FRMPD4: variants seen among roughly 807,000 people sequenced by gnomAD.
FRMPD4 encodes the protein FERM and PDZ domain containing 4.
A neutral mutation model predicts 94.1 loss-of-function variants in FRMPD4; 22 were observed. The observed-to-expected ratio is 0.23, with a 90% CI of 0.17 to 0.33. FRMPD4 has a LOEUF of 0.33. Among genes scored for constraint, FRMPD4 ranks in the 10% least tolerant of loss-of-function variants. The pLI, the probability that FRMPD4 is intolerant of heterozygous loss-of-function variation, is 1.00. For missense variants in FRMPD4, 1,111 were observed against 1,339.9 expected (o/e 0.83, Z 2.67); for synonymous variants, 631 against 548.6 (o/e 1.15, Z -2.10).
At chrX:12,366,984 G>T (rs2056092565) in intron 1 of FRMPD4, among the ~76,000 whole-genome samples, 1 of 111,309 alleles carries the variant, frequency 9.0e-6, no homozygotes, top group East Asian at 2.8e-4. Context: ...CCAGGGCAGG[G>T]AATATCATCA....
Position 12,720,639 on chromosome X carries a change from C to T in FRMPD4, c.4070C>T (p.Ser1357Leu). The T allele has an allele frequency of 8.5e-7, 1 of 1,173,077 alleles. No homozygotes were observed. The highest frequency in any genetic ancestry group is 2.4e-5 in the Admixed American group (1 of 42,490). Reference sequence around the variant, plus strand: ...CTACCATCAAACATTCACTCGGAATCAAAGGTGCCAATTCCAAATCAAGAC... The same window carrying T: ...CTACCATCAAACATTCACTCGGAATTAAAGGTGCCAATTCCAAATCAAGAC... ...ILLPSNIHSESKVPIPNQDPN... is the reference protein window; with the variant it reads ...ILLPSNIHSELKVPIPNQDPN... Residue 1357 changes from serine (S) to leucine (L), a missense_variant, in exon 17 of 17, where the codon TCA (serine) becomes TTA (leucine). Ser to Leu is a moderately radical substitution (Grantham distance 145). Around this residue, in one of 8 missense-constraint regions of FRMPD4, gnomAD observed 551 missense variants for 591.6 expected, o/e 0.93. Transcript: ENST00000675598.
At chrX:11,837,432 C>T (rs2053507256) in intron 1 of FRMPD4, among the ~76,000 whole-genome samples, 1 of 111,132 alleles carries the variant, frequency 9.0e-6, no homozygotes, top group Non-Finnish European at 1.9e-5. Context: ...TTTCTTCTAC[C>T]TTTGATCCAA....
intron 3 of FRMPD4, among the ~76,000 whole-genome samples, chrX:11,902,801 T>C (rs1376786133): frequency 1.8e-5 from 2 of 111,138 alleles, no homozygotes; most frequent in East Asian, 5.6e-4. Flanking sequence ...CAATATGAGG[T>C]AGAATTCTCA....
chrX:12,247,107 G>A (rs968383673), intron 1 of FRMPD4, among the ~76,000 whole-genome samples: 8 of 111,483 alleles, frequency 7.2e-5, no homozygotes, highest in African/African-American at 2.6e-4. Context: ...CTCAACATCA[G>A]TACTATTGAC....
At chrX:12,040,560 T>G (rs1415488395) in intron 3 of FRMPD4, among the ~76,000 whole-genome samples, 1 of 91,853 alleles carries the variant, frequency 1.1e-5, no homozygotes, top group African/African-American at 4.0e-5. Context: ...TGCCTTTTTT[T>G]TTTTTTTTTT....
chrX:12,563,199 TAACA>T (rs1214965612), intron 2 of FRMPD4, among the ~76,000 whole-genome samples: 1 of 108,384 alleles, frequency 9.2e-6, no homozygotes, highest in African/African-American at 3.4e-5. Context: ...AGTTTCAAGC[TAACA>T]AATTGACCTG....
At chrX:12,217,982 T>A (rs2056825841) in intron 1 of FRMPD4, among the ~76,000 whole-genome samples, 1 of 112,129 alleles carries the variant, frequency 8.9e-6, no homozygotes, top group African/African-American at 3.2e-5. Context: ...TTACACTGAA[T>A]TATGTAGCTA....
intron 3 of FRMPD4, among the ~76,000 whole-genome samples, chrX:11,881,297 G>A (rs1291371239): frequency 1.8e-5 from 2 of 111,727 alleles, no homozygotes; most frequent in Non-Finnish European, 3.8e-5. Flanking sequence ...ATCCCACCCC[G>A]GGTATTTACC....
intron 1 of FRMPD4, among the ~76,000 whole-genome samples, chrX:12,297,325 T>TA (rs924470986): frequency 8.9e-6 from 1 of 112,647 alleles, no homozygotes; most frequent in African/African-American, 3.2e-5. Flanking sequence ...AAAGAAGAGA[T>TA]ATATTTTTCA....
At chrX:12,320,910 C>T (rs2055198816) in intron 1 of FRMPD4, among the ~76,000 whole-genome samples, 1 of 111,760 alleles carries the variant, frequency 8.9e-6, no homozygotes, top group African/African-American at 3.3e-5. Context: ...GCCTAAGTAC[C>T]AACAGAGAAA....
intron 3 of FRMPD4, among the ~76,000 whole-genome samples, chrX:11,916,027 T>C (rs2054022880): frequency 8.9e-6 from 1 of 112,057 alleles, no homozygotes; most frequent in Non-Finnish European, 1.9e-5. Flanking sequence ...AAATTAATTC[T>C]GACCCAGAGA....
At chrX:12,649,280 A>G (rs1338709191) in intron 4 of FRMPD4, among the ~76,000 whole-genome samples, 1 of 112,004 alleles carries the variant, frequency 8.9e-6, no homozygotes. Context: ...AGCCAACTCC[A>G]TGTCTGGGCT....
intron 1 of FRMPD4, among the ~76,000 whole-genome samples, chrX:12,171,386 A>G (rs935247988): frequency 8.9e-6 from 1 of 112,176 alleles, no homozygotes; most frequent in Non-Finnish European, 1.9e-5. Flanking sequence ...AGCTTTCAAA[A>G]TGAGGCATAA....
intron 1 of FRMPD4, among the ~76,000 whole-genome samples, chrX:12,153,829 T>G (rs2055896235): frequency 8.9e-6 from 1 of 112,556 alleles, no homozygotes; most frequent in South Asian, 3.7e-4. Flanking sequence ...TAAGAATGGT[T>G]TTTACATTTT....
At chrX:12,206,451 C>T (rs2147730612) in intron 1 of FRMPD4, among the ~76,000 whole-genome samples, 1 of 111,820 alleles carries the variant, frequency 8.9e-6, no homozygotes, top group South Asian at 3.8e-4. Context: ...ATGACACAGA[C>T]CCATCTTTCC....
Position 12,492,073 on chromosome X carries a change from G to C in FRMPD4, c.42-6607G>C, listed in dbSNP as rs1329177280. On this transcript the variant is annotated intron_variant, in intron 1 of 16. Transcript: ENST00000675598. ...AGTTGGAGAATTCAGTGAACTAAGAGATGCAAATGCACAGTACAAAATTCA... is the reference window on the plus strand; with the variant it reads ...AGTTGGAGAATTCAGTGAACTAAGACATGCAAATGCACAGTACAAAATTCA... 2.7e-5 allele frequency among the ~76,000 whole-genome samples: 3 copies of C among 111,970 alleles called. No individual in the cohort carries two copies. In the East Asian group the frequency reaches 8.3e-4, roughly 31 times the overall value.
chrX:12,268,812 C>T (rs1462786936), intron 1 of FRMPD4, among the ~76,000 whole-genome samples: 5 of 112,089 alleles, frequency 4.5e-5, no homozygotes, highest in Non-Finnish European at 9.4e-5. Flanking sequence ...TGAAAATAGT[C>T]TTAAAGATTC....
chrX:12,087,924 G>A (rs746506553), intron 3 of FRMPD4, among the ~76,000 whole-genome samples: 7 of 112,254 alleles, frequency 6.2e-5, no homozygotes, highest in Non-Finnish European at 1.1e-4. Context: ...TGTGTTGGTG[G>A]AGAATTCTTG....
At chrX:11,841,083 T>C (rs1229743951) in intron 1 of FRMPD4, among the ~76,000 whole-genome samples, 1 of 110,757 alleles carries the variant, frequency 9.0e-6, no homozygotes, top group Non-Finnish European at 1.9e-5. Flanking sequence ...CTCATCATTT[T>C]TTTTATGGCT....
Sources: allele counts gnomAD v4.1 joint callset (sites outside exome capture counted in the v4.1 genomes callset), GRCh38; gene constraint gnomAD v4.1.1; regional missense constraint gnomAD v4.1.1; transcripts MANE v1.5; gene names NCBI Gene and HGNC (gene_info 2026-07-23, HGNC 2026-07-21).